The following MAML1 variants were observed in gnomAD, a reference collection of about 807,000 sequenced individuals.
MAML1 encodes the protein mastermind-like protein 1.
In MAML1, 14 loss-of-function variants were observed where a neutral mutation model predicts 77.1. The observed-to-expected ratio is 0.18, with a 90% CI of 0.12 to 0.28. The LOEUF is 0.28. Among genes scored for constraint, MAML1 ranks in the 10% least tolerant of loss-of-function variants. The pLI is 1.00. For missense variants in MAML1, 1,217 were observed against 1,327.8 expected (o/e 0.92, Z 1.30); for synonymous variants, 516 against 551.9 (o/e 0.93, Z 0.91).
At chr5:179,742,812 TAAAA>T (rs755107720) in intron 1 of MAML1, among the ~76,000 whole-genome samples, 19 of 152,102 alleles carry the variant, frequency 1.2e-4, no homozygotes, top group Non-Finnish European at 2.4e-4. Context: ...AGATTCCATC[TAAAA>T]AGAAAGAACA....
In MAML1 at chr5:179,766,169, C is replaced by T; in HGVS notation, c.1159C>T (p.Pro387Ser). ...AGGTGTGGTATTGCCCAGTCAGGGC[C>T]CAGGAGGGGCCTCAGAGCTGTCCTC... is the stretch of plus-strand genomic sequence containing the variant. The part of the protein sequence containing the change: ...LAGVVLPSQG[P>S]GGASELSSAH... The change falls in exon 2 of 5, where the codon CCA becomes TCA. Residue 387 changes from proline to serine, a missense_variant. Around this residue, in one of 3 missense-constraint regions of MAML1, gnomAD observed 884 missense variants for 949.3 expected, o/e 0.93. Transcript: ENST00000292599. This position sits in a 1 kb window ranked among gnomAD's most constrained non-coding sequence, Gnocchi z 4.0. 6.3e-7 allele frequency: 1 copy of T among 1,589,846 alleles called. No homozygotes were observed. Among genetic ancestry groups the T allele is most frequent in the Non-Finnish European group, 8.6e-7 (1 of 1,168,822 alleles).
chr5:179,773,828 G>A (rs1414479883), intron 4 of MAML1, 67 bp from the exon 5 acceptor site: 16 of 1,536,330 alleles, frequency 1.0e-5, no homozygotes, highest in Middle Eastern at 1.9e-4. Flanking sequence ...CTGGTGCTGC[G>A]GCTCGAGTCT....
At chr5:179,763,294 A>AAAGGTGGT in intron 1 of MAML1, among the ~76,000 whole-genome samples, 1 of 152,346 alleles carries the variant, frequency 6.6e-6, no homozygotes, top group Non-Finnish European at 1.5e-5. Context: ...TAAAGGGTCT[A>AAAGGTGGT]TTTTATGTGC....
chr5:179,747,673 G>A lies in MAML1; in HGVS notation c.315+14246G>A, dbSNP rs562758160. Among the ~76,000 whole-genome samples the A allele has an allele frequency of 5.5e-4, 83 of 152,046 alleles. No homozygotes were observed. The South Asian group carries it at 0.016, about 30-fold the overall frequency. ...AAAATACAAAAAATTAGCCAGGTGA[G>A]GTGGTGGGCACCTGTAGTCCCAGCT... is the stretch of plus-strand genomic sequence containing the variant. On this transcript the variant is annotated intron_variant, in intron 1 of 4. Transcript: ENST00000292599.
At position 179,769,043 on chromosome 5, in the gene MAML1, A is replaced by G; in HGVS notation, c.1925A>G (p.Gln642Arg). 1 of 1,614,222 alleles carries G rather than the reference A, an allele frequency of 6.2e-7. No individual in the cohort carries two copies. Among genetic ancestry groups the G allele is most frequent in the Non-Finnish European group, 8.5e-7 (1 of 1,180,048 alleles). The change falls in exon 3 of 5, where the codon CAG (glutamine) becomes CGG (arginine). Residue 642 changes from glutamine to arginine, a missense_variant. Around this residue, in one of 3 missense-constraint regions of MAML1, gnomAD observed 884 missense variants for 949.3 expected, o/e 0.93. Coordinates refer to ENST00000292599, the MANE Select transcript of MAML1 (RefSeq NM_014757.5). The surrounding 1 kb of genome is among the most constrained non-coding windows in gnomAD (Gnocchi z 4.2). ...AGGGAGCAGCAGCAAAAGCATTTAC[A>G]GCAACAGCAGTTCCTTCAGAGGCAA... is the stretch of plus-strand genomic sequence containing the variant. ...KQREQQQKHLQQQQFLQRQQH... is the reference protein window; with the variant it reads ...KQREQQQKHLRQQQFLQRQQH...
rs1756070345 is a variant in MAML1 at position 179,774,096 on chromosome 5, A to G, written c.2270A>G (p.Tyr757Cys). The G allele has an allele frequency of 2.5e-6, 4 of 1,613,808 alleles. No individual in the cohort carries two copies. Among genetic ancestry groups the G allele is most frequent in the African/African-American group, 2.7e-5 (2 of 74,934 alleles). ...CAAAACATGCCTCAGAGCAGCCTCT[A>G]TGGCATGGCTTCTGGCATAACCCAG... ...GSQNMPQSSL[Y>C]GMASGITQIV... Residue 757 changes from tyrosine to cysteine, a missense_variant, in exon 5 of 5, where the codon TAT (tyrosine) becomes TGT (cysteine). Physicochemically the swap from Tyr to Cys is radical, Grantham distance 194. This residue lies in a region of MAML1 where 884 missense variants were observed against 949.3 expected (regional missense o/e 0.93). Coordinates refer to ENST00000292599, the MANE Select transcript of MAML1 (RefSeq NM_014757.5).
At chr5:179,736,024 T>C (rs539683100) in intron 1 of MAML1, among the ~76,000 whole-genome samples, 176 of 152,196 alleles carry the variant, frequency 1.2e-3, no homozygotes, top group African/African-American at 4.0e-3. Flanking sequence ...CTTGTTACTT[T>C]AGGTCGCATC....
chr5:179,762,216 G>A (rs984212114), intron 1 of MAML1, among the ~76,000 whole-genome samples: 2 of 152,152 alleles, frequency 1.3e-5, no homozygotes, highest in Admixed American at 6.6e-5. Context: ...AGTGGAGATA[G>A]GCAAAGGATT....
At chr5:179,743,598 C>G (rs1181239309) in intron 1 of MAML1, among the ~76,000 whole-genome samples, 1 of 151,776 alleles carries the variant, frequency 6.6e-6, no homozygotes, top group East Asian at 1.9e-4. Context: ...ATCTCCTAAC[C>G]TTGCGATCCA....
chr5:179,744,979 G>C (rs1779351732), intron 1 of MAML1, among the ~76,000 whole-genome samples: 1 of 151,008 alleles, frequency 6.6e-6, no homozygotes, highest in Non-Finnish European at 1.5e-5. Context: ...TCGGCTCACT[G>C]CAAGCTCTGC....
rs927172918 is a variant in MAML1, at chr5:179,776,443, ATCT to A, written c.*1571_*1573del. The A allele has an allele frequency of 4.1e-6, 4 of 985,698 alleles. No individual in the cohort carries two copies. The African/African-American group carries it at 7.0e-5, about 17-fold the overall frequency. The allele number at this position is 985,698 out of a possible 1,614,324, so 61.1% of individuals were successfully genotyped here. ...TCACTGGGGGTACTTGGACCCTCAG[ATCT>A]TCTTTTCTAATAGCCATTTGCCACC... On this transcript the variant is annotated 3_prime_UTR_variant, in exon 5 of 5. Transcript: ENST00000292599.
At chr5:179,761,643 C>T (rs1248593101) in intron 1 of MAML1, among the ~76,000 whole-genome samples, 1 of 151,930 alleles carries the variant, frequency 6.6e-6, no homozygotes, top group African/African-American at 2.4e-5. Context: ...TGCAGTGAGC[C>T]GAGATTGCAC....
At chr5:179,759,506 G>C (rs1353937055) in intron 1 of MAML1, among the ~76,000 whole-genome samples, 1 of 152,192 alleles carries the variant, frequency 6.6e-6, no homozygotes, top group African/African-American at 2.4e-5. Flanking sequence ...TACAGCACTT[G>C]GTTCAGATTT....
intron 1 of MAML1, among the ~76,000 whole-genome samples, chr5:179,756,575 C>T (rs894008448): frequency 2.6e-5 from 4 of 152,000 alleles, no homozygotes; most frequent in Admixed American, 2.0e-4. Context: ...TCAAACAGGC[C>T]TTTATGTGCC....
intron 1 of MAML1, among the ~76,000 whole-genome samples, chr5:179,765,001 GT>G (rs1668315251): frequency 6.8e-6 from 1 of 146,994 alleles, no homozygotes; most frequent in Non-Finnish European, 1.5e-5. Context: ...ATATATGTGT[GT>G]GTGTGTGTGT....
chr5:179,735,037 G>A (rs545929634), intron 1 of MAML1, among the ~76,000 whole-genome samples: 109 of 152,254 alleles, frequency 7.2e-4, no homozygotes, highest in Admixed American at 2.7e-3. Context: ...ACAGTATTTC[G>A]GGGGAAGGGA....
chr5:179,765,085 A>C (rs1316562068), intron 1 of MAML1, among the ~76,000 whole-genome samples: 1 of 151,722 alleles, frequency 6.6e-6, no homozygotes, highest in East Asian at 1.9e-4. Context: ...GGCTGTGGGC[A>C]GCCTCATGCC....
chr5:179,753,469 T>C (rs1054823146), intron 1 of MAML1, among the ~76,000 whole-genome samples: 2 of 152,006 alleles, frequency 1.3e-5, no homozygotes, highest in African/African-American at 4.8e-5. Flanking sequence ...ATTGTTTTAT[T>C]TGTAAAGGGA....
At chr5:179,745,733 G>A (rs1019217365) in intron 1 of MAML1, among the ~76,000 whole-genome samples, 6 of 151,776 alleles carry the variant, frequency 4.0e-5, no homozygotes, top group African/African-American at 1.2e-4. Context: ...GGTGGCGGGC[G>A]TCTGTAGTCC....
Sources: gnomAD v4.1 joint callset for allele counts (sites outside exome capture counted in the v4.1 genomes callset) on GRCh38, gnomAD v4.1.1 for gene constraint, gnomAD v4.1.1 regional missense constraint, Gnocchi (gnomAD v3.1) non-coding constraint, MANE v1.5 for transcripts, NCBI Gene and HGNC (gene_info 2026-07-23, HGNC 2026-07-21) for gene names.